Variants in SLC25A21 observed in about 807,000 individuals in gnomAD.
The protein encoded by SLC25A21 is solute carrier family 25 member 21.
Under a neutral mutation model 43.8 loss-of-function variants are expected in SLC25A21, and 47 were observed. The ratio of observed to expected loss-of-function variants is 1.07; its 90% CI spans 0.85 to 1.37. SLC25A21 has a LOEUF of 1.37. Among genes scored for constraint, SLC25A21 ranks in the 40% most tolerant of loss-of-function variants. The pLI is 0.00. For synonymous variants in SLC25A21, 131 were observed against 121.3 expected (o/e 1.08, Z -0.52); for missense variants, 352 against 350.2 (o/e 1.00, Z -0.04).
chr14:37,047,016 G>A (rs1017666151), intron 1 of SLC25A21, among the ~76,000 whole-genome samples: 3 of 152,136 alleles, frequency 2.0e-5, no homozygotes, highest in African/African-American at 7.2e-5. Context: ...AAGCCTCTAA[G>A]CAACTACTTA....
chr14:37,022,213 T>TA (rs902592395), intron 1 of SLC25A21, among the ~76,000 whole-genome samples: 8 of 151,886 alleles, frequency 5.3e-5, no homozygotes, highest in Non-Finnish European at 1.2e-4. Context: ...ACTAATTACA[T>TA]AAAAAAACTT....
At chr14:37,045,104 T>C (rs1961559652) in intron 1 of SLC25A21, among the ~76,000 whole-genome samples, 1 of 152,210 alleles carries the variant, frequency 6.6e-6, no homozygotes, top group Admixed American at 6.5e-5. Flanking sequence ...TAAAACCACT[T>C]GTCAGTGAGA....
At chr14:36,804,921 T>G (rs1171261748) in intron 3 of SLC25A21, among the ~76,000 whole-genome samples, 1 of 152,220 alleles carries the variant, frequency 6.6e-6, no homozygotes, top group African/African-American at 2.4e-5. Flanking sequence ...GTAATGTGAC[T>G]GTACTTCTAG....
At chr14:36,834,357 G>C (rs905332448) in intron 2 of SLC25A21, among the ~76,000 whole-genome samples, 2 of 152,182 alleles carry the variant, frequency 1.3e-5, no homozygotes, top group Non-Finnish European at 2.9e-5. Flanking sequence ...AGGCTTTGGA[G>C]TCAGACAGAC....
rs375803887 is a variant in SLC25A21, at chr14:36,932,113, T to C, written c.71-57109A>G. Among the ~76,000 whole-genome samples the C allele has an allele frequency of 1.2e-4, 18 of 152,262 alleles. No individual in the cohort carries two copies. In the South Asian group the frequency reaches 2.9e-3, roughly 25 times the overall value. ...TTCTTCCATATACATAAGAAGAAAA[T>C]ATATGCTTCTCAGGTAAGTCAATAA... On this transcript the variant is annotated intron_variant, in intron 1 of 9. Coordinates refer to ENST00000331299, the MANE Select transcript of SLC25A21 (RefSeq NM_030631.4).
At chr14:36,895,637 G>A (rs1891216087) in intron 1 of SLC25A21, among the ~76,000 whole-genome samples, 1 of 152,142 alleles carries the variant, frequency 6.6e-6, no homozygotes, top group Non-Finnish European at 1.5e-5. Flanking sequence ...ATGTTAGGGT[G>A]TCAATTTTAG....
chr14:36,961,413 G>A (rs1320141602), intron 1 of SLC25A21, among the ~76,000 whole-genome samples: 4 of 151,988 alleles, frequency 2.6e-5, no homozygotes, highest in South Asian at 2.1e-4. Flanking sequence ...GGATTTCACC[G>A]CCGTACGTGT....
intron 1 of SLC25A21, among the ~76,000 whole-genome samples, chr14:37,078,533 G>C (rs567393806): frequency 3.9e-5 from 6 of 152,136 alleles, no homozygotes; most frequent in African/African-American, 1.2e-4. Flanking sequence ...AAAGAAGAGT[G>C]GTTTTGCCAT....
At chr14:37,004,573 A>C (rs1396761535) in intron 1 of SLC25A21, among the ~76,000 whole-genome samples, 1 of 152,230 alleles carries the variant, frequency 6.6e-6, no homozygotes, top group Non-Finnish European at 1.5e-5. Context: ...CAAGTGGCTA[A>C]TGATTAGGTA....
At chr14:37,086,161 T>G (rs554768462) in intron 1 of SLC25A21, among the ~76,000 whole-genome samples, 2 of 151,826 alleles carry the variant, frequency 1.3e-5, no homozygotes, top group Admixed American at 6.6e-5. Flanking sequence ...GGGCCTGGGG[T>G]TTTTTTTATT....
chr14:36,986,499 T>C (rs937708310), intron 1 of SLC25A21, among the ~76,000 whole-genome samples: 2 of 152,306 alleles, frequency 1.3e-5, no homozygotes, highest in South Asian at 2.1e-4. Context: ...CTTCCCACAA[T>C]GCGGTTGCTT....
intron 1 of SLC25A21, among the ~76,000 whole-genome samples, chr14:36,904,117 A>C (rs1294732591): frequency 1.3e-5 from 2 of 152,226 alleles, no homozygotes; most frequent in African/African-American, 4.8e-5. Context: ...GACCCATTAC[A>C]TAATTATAAG....
At chr14:36,862,996 T>C (rs1890116151) in intron 2 of SLC25A21, among the ~76,000 whole-genome samples, 1 of 152,088 alleles carries the variant, frequency 6.6e-6, no homozygotes, top group South Asian at 2.1e-4. Flanking sequence ...TTGCTGGAAA[T>C]TTGAAAGCAG....
chr14:36,965,076 T>C (rs954050832), intron 1 of SLC25A21, among the ~76,000 whole-genome samples: 8 of 152,288 alleles, frequency 5.3e-5, no homozygotes, highest in South Asian at 2.1e-4. Flanking sequence ...TCTGGACCCA[T>C]TGTCTAACTG....
At chr14:37,024,566 C>T (rs1249807681) in intron 1 of SLC25A21, among the ~76,000 whole-genome samples, 4 of 151,912 alleles carry the variant, frequency 2.6e-5, no homozygotes, top group African/African-American at 4.8e-5. Flanking sequence ...TCTCTCAGTA[C>T]GTTTACCCTT....
chr14:37,125,328 T>C (rs1213851205), intron 1 of SLC25A21, among the ~76,000 whole-genome samples: 1 of 152,174 alleles, frequency 6.6e-6, no homozygotes, highest in African/African-American at 2.4e-5. Flanking sequence ...TAAACAGCTA[T>C]GAAAATATTC....
At chr14:37,023,151 T>A (rs1368624927) in intron 1 of SLC25A21, among the ~76,000 whole-genome samples, 1 of 152,004 alleles carries the variant, frequency 6.6e-6, no homozygotes, top group African/African-American at 2.4e-5. Flanking sequence ...GGTCATAAGC[T>A]GAGTGACATT....
chr14:36,852,387 C>A (rs1423274641), intron 2 of SLC25A21, among the ~76,000 whole-genome samples: 1 of 152,098 alleles, frequency 6.6e-6, no homozygotes, highest in African/African-American at 2.4e-5. Context: ...ATTAGACACA[C>A]CTGGTTAAAG....
intron 1 of SLC25A21, among the ~76,000 whole-genome samples, chr14:37,113,867 A>AG (rs1963062702): frequency 6.6e-6 from 1 of 151,618 alleles, no homozygotes; most frequent in African/African-American, 2.4e-5. Flanking sequence ...AAAAAAAAAA[A>AG]AAAGAAATAA....
Sources: allele counts gnomAD v4.1 joint callset (sites outside exome capture counted in the v4.1 genomes callset), GRCh38; gene constraint gnomAD v4.1.1; transcripts MANE v1.5; gene names NCBI Gene and HGNC (gene_info 2026-07-23, HGNC 2026-07-21).